Variants in OAS2 observed in about 807,000 individuals in gnomAD.
The protein encoded by OAS2 is 2'-5'-oligoadenylate synthase 2.
OAS2 carries 67 observed loss-of-function variants against 71.3 expected under a neutral mutation model. That is an observed-to-expected ratio of 0.94 (90% CI 0.77 to 1.15). OAS2 has a LOEUF of 1.15. Among genes scored for constraint, OAS2 ranks in the 50% most tolerant of loss-of-function variants. The probability of loss-of-function intolerance (pLI) is 0.00; values close to 1 mark genes in which losing one functional copy is unlikely to be tolerated. For missense variants in OAS2, 789 were observed against 822.5 expected, an observed-to-expected ratio of 0.96 and a Z score of 0.50; for synonymous variants, 327 against 321.8, an observed-to-expected ratio of 1.02 and a Z score of -0.17.
At chr12:112,979,449 C>G (rs575065249) in intron 1 of OAS2, among the ~76,000 whole-genome samples, 1 of 152,156 alleles carries the variant, frequency 6.6e-6, no homozygotes, top group Non-Finnish European at 1.5e-5. Flanking sequence ...TGCACACATC[C>G]GCTAGTGCCT....
rs561160229 is a variant in OAS2 at position 112,990,315 on chromosome 12, A to C, written c.448+3007A>C. ...TACAGGCAGAAACGTAAATCAGTAC[A>C]CATAAGATGTGCATTGATTCAGCCT... is the stretch of plus-strand genomic sequence containing the variant. On this transcript the variant is annotated intron_variant, in intron 2 of 9. Coordinates refer to ENST00000392583, the MANE Select transcript of OAS2 (RefSeq NM_002535.3). 2.6e-5 allele frequency among the ~76,000 whole-genome samples: 4 copies of C among 152,356 alleles called. No homozygotes were observed. The East Asian group carries it at 7.7e-4, about 29-fold the overall frequency.
chr12:112,980,649 C>T (rs1013341334), intron 1 of OAS2, among the ~76,000 whole-genome samples: 5 of 152,258 alleles, frequency 3.3e-5, no homozygotes, highest in African/African-American at 4.8e-5. Context: ...CTGATGGATA[C>T]GTTGGTTGAT....
intron 8 of OAS2, 29 bp downstream of exon 8, chr12:113,006,629 G>T (rs2044337795): frequency 6.7e-7 from 1 of 1,490,296 alleles, no homozygotes; most frequent in East Asian, 2.3e-5. Flanking sequence ...CTGACCATGG[G>T]GTTATTATTT....
At chr12:113,006,374 G>A in intron 7 of OAS2, 39 bp from the exon 8 acceptor site, 1 of 1,444,460 alleles carries the variant, frequency 6.9e-7, no homozygotes, top group Non-Finnish European at 9.3e-7. Context: ...TACTTACTAT[G>A]TGTATTAAAG....
rs1418408848 is a variant in OAS2, at chr12:112,978,991, C to T, written c.177+206C>T. Among the ~76,000 whole-genome samples the T allele has an allele frequency of 6.6e-6, 1 of 152,156 alleles. No homozygotes were observed. Among genetic ancestry groups the T allele is most frequent in the Non-Finnish European group, 1.5e-5 (1 of 68,016 alleles). ...CTACTTAACCTCTCTGTGCCTCAGT[C>T]TCTGACTCTGTAAAATGGGGAGAGG... On this transcript the variant is annotated intron_variant, in intron 1 of 9. Coordinates refer to ENST00000392583, the MANE Select transcript of OAS2 (RefSeq NM_002535.3). The surrounding 1 kb of genome is among the most constrained non-coding windows in gnomAD (Gnocchi z 4.2).
rs1468601865 is a variant in OAS2, at chr12:112,991,163, T to C, written c.448+3855T>C. ...TAGCTCAACTTGAGACTTTGGCCTA[T>C]ACTGTTCCTTTGCCTGGAATATACT... On this transcript the variant is annotated intron_variant, in intron 2 of 9. Coordinates refer to ENST00000392583, the MANE Select transcript of OAS2 (RefSeq NM_002535.3). 3.9e-5 allele frequency among the ~76,000 whole-genome samples: 6 copies of C among 152,336 alleles called. No homozygotes were observed. The East Asian group carries it at 1.2e-3, about 29-fold the overall frequency.
intron 3 of OAS2, among the ~76,000 whole-genome samples, chr12:112,996,612 T>C (rs562685966): frequency 7.2e-5 from 11 of 152,086 alleles, no homozygotes; most frequent in Admixed American, 5.2e-4. Context: ...GCAGGGAGAA[T>C]TGGGCAGCTC....
intron 1 of OAS2, among the ~76,000 whole-genome samples, chr12:112,982,386 G>A (rs2044092366): frequency 1.3e-5 from 2 of 152,128 alleles, no homozygotes; most frequent in South Asian, 4.1e-4. Flanking sequence ...ATAAAGGGAT[G>A]TTGAATTTTA....
At chr12:113,001,339 C>T (rs2044284798) in intron 5 of OAS2, among the ~76,000 whole-genome samples, 1 of 151,310 alleles carries the variant, frequency 6.6e-6, no homozygotes, top group Non-Finnish European at 1.5e-5. Context: ...ATTACTTTTG[C>T]ACCAACCAAA....
chr12:112,987,516 G>A, intron 2 of OAS2: 1 of 1,417,144 alleles, frequency 7.1e-7, no homozygotes, highest in Non-Finnish European at 9.2e-7. Context: ...ATTGTCTTTG[G>A]AGAAAATGTT....
chr12:112,987,455 C>T, intron 2 of OAS2, 147 bp downstream of exon 2: 2 of 1,453,442 alleles, frequency 1.4e-6, no homozygotes, highest in South Asian at 3.0e-5. Context: ...AGAATCCCTT[C>T]TACCCTGGAC....
chr12:112,978,704 A>G lies in OAS2; in HGVS notation c.96A>G (p.Thr32=). The part of the protein sequence containing the change: ...EYLKPYEECQ[T]LIDEMVNTIC... ...TGAAGCCCTACGAAGAATGTCAGAC[A>G]CTGATCGACGAGATGGTGAACACCA... is the stretch of plus-strand genomic sequence containing the variant. Residue 32 remains threonine, a synonymous_variant, in exon 1 of 10, where the codon ACA becomes ACG. Coordinates refer to ENST00000392583, the MANE Select transcript of OAS2 (RefSeq NM_002535.3). The surrounding 1 kb of genome is among the most constrained non-coding windows in gnomAD (Gnocchi z 4.2). 6.2e-7 allele frequency: 1 copy of G among 1,614,136 alleles called. No individual in the cohort carries two copies. The highest frequency in any genetic ancestry group is 8.5e-7 in the Non-Finnish European group (1 of 1,180,012).
chr12:113,003,972 A>G (rs926066777), intron 6 of OAS2, among the ~76,000 whole-genome samples: 6 of 152,240 alleles, frequency 3.9e-5, no homozygotes, highest in Admixed American at 1.3e-4. Context: ...TTGTCAAAGC[A>G]TGTGCTTTCT....
chr12:112,982,894 C>T (rs1425284123), intron 1 of OAS2, among the ~76,000 whole-genome samples: 2 of 152,110 alleles, frequency 1.3e-5, no homozygotes, highest in East Asian at 1.9e-4. Context: ...CTTCCTGGAT[C>T]AATCTTAGTA....
chr12:112,990,917 TTC>T (rs1784484602), intron 2 of OAS2, among the ~76,000 whole-genome samples: 1 of 152,110 alleles, frequency 6.6e-6, no homozygotes, highest in Non-Finnish European at 1.5e-5. Flanking sequence ...TCTTTGGGGG[TTC>T]CCCTTGGCCA....
intron 1 of OAS2, among the ~76,000 whole-genome samples, chr12:112,981,125 G>T (rs1172606700): frequency 2.6e-5 from 4 of 152,100 alleles, no homozygotes; most frequent in Admixed American, 2.6e-4. Flanking sequence ...TTAAACCCTT[G>T]TTGGAAAAAT....
intron 2 of OAS2, 95 bp from the exon 3 acceptor site, chr12:112,995,201 T>C: frequency 9.0e-7 from 1 of 1,115,124 alleles, no homozygotes. Context: ...AGTCGTGTGC[T>C]ATCAAACTAT....
At chr12:113,001,098 C>G (rs894207510) in intron 5 of OAS2, among the ~76,000 whole-genome samples, 14 of 152,128 alleles carry the variant, frequency 9.2e-5, no homozygotes, top group African/African-American at 4.8e-5. Context: ...AATCCCAACA[C>G]TTTGGGAGGC....
chr12:112,992,438 AAG>A (rs1027469387), intron 2 of OAS2, among the ~76,000 whole-genome samples: 1 of 147,938 alleles, frequency 6.8e-6, no homozygotes, highest in African/African-American at 2.5e-5. Context: ...AGGGGAGGGG[AAG>A]AGAGGGGAGG....
Sources: allele counts gnomAD v4.1 joint callset (sites outside exome capture counted in the v4.1 genomes callset), GRCh38; gene constraint gnomAD v4.1.1; non-coding constraint Gnocchi (gnomAD v3.1); transcripts MANE v1.5; gene names NCBI Gene and HGNC (gene_info 2026-07-23, HGNC 2026-07-21).